CAMTA1: variants seen among roughly 807,000 people sequenced by gnomAD.
CAMTA1 encodes calmodulin binding transcription activator 1.
A neutral mutation model predicts 170.9 loss-of-function variants in CAMTA1; 27 were observed. The observed-to-expected ratio is 0.16, with a 90% CI of 0.12 to 0.22. CAMTA1 has a LOEUF of 0.22. Ranked by LOEUF, CAMTA1 falls within the 10% of genes least tolerant of loss-of-function variation. CAMTA1 has a pLI of 1.00. For synonymous variants in CAMTA1, 833 were observed against 891.5 expected, an observed-to-expected ratio of 0.93 and a Z score of 1.17; for missense variants, 1,619 against 2,217.2, an observed-to-expected ratio of 0.73 and a Z score of 5.42.
At position 7,681,103 on chromosome 1, in the gene CAMTA1, C is replaced by A; in HGVS notation, c.2914+3370C>A. The stretch of plus-strand genomic sequence containing the variant: ...AGGAGGAATCGCAGCCTTCTGGATC[C>A]CGGAGCTGCAGCGCCTCCCCCAGAC... On this transcript the variant is annotated intron_variant, in intron 11 of 22. Transcript: ENST00000303635. The surrounding 1 kb of genome is among the most constrained non-coding windows in gnomAD (Gnocchi z 4.6). Among the ~76,000 whole-genome samples, 1 of 152,130 alleles carries A rather than the reference C, an allele frequency of 6.6e-6. No homozygotes were observed. The highest frequency in any genetic ancestry group is 1.9e-4 in the East Asian group (1 of 5,158).
chr1:6,991,377 A>G, intron 3 of CAMTA1, among the ~76,000 whole-genome samples: 1 of 152,158 alleles, frequency 6.6e-6, no homozygotes, highest in East Asian at 1.9e-4. Flanking sequence ...GTTGCTCTCC[A>G]TACTCACCAA....
At chr1:7,231,726 C>T (rs1278182298) in intron 4 of CAMTA1, among the ~76,000 whole-genome samples, 4 of 152,198 alleles carry the variant, frequency 2.6e-5, no homozygotes, top group African/African-American at 4.8e-5. Flanking sequence ...GATGACAGCT[C>T]CCCTATGCGG....
chr1:7,674,519 C>G lies in CAMTA1; in HGVS notation c.2780-3080C>G, dbSNP rs2096093393. Among the ~76,000 whole-genome samples, 1 of 152,194 alleles carries G rather than the reference C, an allele frequency of 6.6e-6. No homozygotes were observed. Among genetic ancestry groups the G allele is most frequent in the African/African-American group, 2.4e-5 (1 of 41,450 alleles). On this transcript the variant is annotated intron_variant, in intron 10 of 22. Coordinates refer to ENST00000303635, the MANE Select transcript of CAMTA1 (RefSeq NM_015215.4). The surrounding 1 kb of genome is among the most constrained non-coding windows in gnomAD (Gnocchi z 4.1). The stretch of plus-strand genomic sequence containing the variant: ...GAAAGCCAGGCACAGTGGCTCATGC[C>G]TGTAATCCTAGCATGTTGGGAGGCC...
chr1:7,073,938 A>G (rs984898750), intron 3 of CAMTA1, among the ~76,000 whole-genome samples: 1 of 152,206 alleles, frequency 6.6e-6, no homozygotes, highest in Non-Finnish European at 1.5e-5. Context: ...CAAAGACAAC[A>G]CCTCTATCAC....
intron 5 of CAMTA1, among the ~76,000 whole-genome samples, chr1:7,402,413 T>G (rs553327079): frequency 6.6e-6 from 1 of 152,184 alleles, no homozygotes; most frequent in African/African-American, 2.4e-5. Context: ...TGCATGACAT[T>G]ACCCAGCACC....
chr1:7,385,803 T>G (rs2087891717), intron 5 of CAMTA1, among the ~76,000 whole-genome samples: 1 of 152,168 alleles, frequency 6.6e-6, no homozygotes, highest in Non-Finnish European at 1.5e-5. Flanking sequence ...GCCACTCTCT[T>G]CCACATTTGG....
intron 3 of CAMTA1, among the ~76,000 whole-genome samples, chr1:6,898,090 T>C (rs188680918): frequency 9.3e-4 from 142 of 152,376 alleles, no homozygotes; most frequent in Non-Finnish European, 1.0e-3. Flanking sequence ...CAGTTTCTTA[T>C]TTCTTGTCTT....
chr1:7,348,024 GA>G (rs758678155), intron 5 of CAMTA1, among the ~76,000 whole-genome samples: 13 of 152,144 alleles, frequency 8.5e-5, no homozygotes, highest in Non-Finnish European at 1.6e-4. Context: ...CCGTGTAGAG[GA>G]CTGGACCTCA....
intron 6 of CAMTA1, among the ~76,000 whole-genome samples, chr1:7,599,795 C>G (rs2095426594): frequency 6.6e-6 from 1 of 152,138 alleles, no homozygotes; most frequent in South Asian, 2.1e-4. Context: ...GATTTTGTAT[C>G]CTGAGACTTT....
At chr1:7,371,586 C>G (rs944888890) in intron 5 of CAMTA1, among the ~76,000 whole-genome samples, 8 of 152,306 alleles carry the variant, frequency 5.3e-5, no homozygotes, top group African/African-American at 1.4e-4. Context: ...ATCGCCCTGT[C>G]TGTATTTCAG....
At chr1:7,643,601 G>A (rs949086602) in intron 7 of CAMTA1, among the ~76,000 whole-genome samples, 3 of 152,214 alleles carry the variant, frequency 2.0e-5, no homozygotes, top group African/African-American at 7.2e-5. Flanking sequence ...AAACCAGTCC[G>A]GAGCCAGCCT....
intron 5 of CAMTA1, among the ~76,000 whole-genome samples, chr1:7,405,038 C>T (rs1039282101): frequency 2.0e-5 from 3 of 151,690 alleles, no homozygotes; most frequent in Admixed American, 6.6e-5. Context: ...AACTTGCTAC[C>T]GATTGTGCCT....
intron 5 of CAMTA1, among the ~76,000 whole-genome samples, chr1:7,319,650 T>G (rs1678065050): frequency 6.6e-6 from 1 of 152,180 alleles, no homozygotes; most frequent in East Asian, 1.9e-4. Flanking sequence ...ATACTGGGCA[T>G]CAGGATATAA....
rs568561009 is a variant in CAMTA1 at position 7,365,530 on chromosome 1, C to T, written c.439-102300C>T. On this transcript the variant is annotated intron_variant, in intron 5 of 22. Coordinates refer to ENST00000303635, the MANE Select transcript of CAMTA1 (RefSeq NM_015215.4). ...CCAAGCGTCTTCTTTCCCTAGGCCC[C>T]GCGCCTGGGTGTGGACTTCCCTGGG... 1.8e-4 allele frequency among the ~76,000 whole-genome samples: 28 copies of T among 152,242 alleles called. No homozygotes were observed. The South Asian group carries it at 4.4e-3, about 24-fold the overall frequency.
At chr1:7,271,708 A>G (rs899621807) in intron 5 of CAMTA1, among the ~76,000 whole-genome samples, 21 of 152,114 alleles carry the variant, frequency 1.4e-4, no homozygotes, top group Admixed American at 1.4e-3. Flanking sequence ...TAAAAAAGAG[A>G]TCAATAGATA....
At chr1:6,849,773 G>A (rs1183081674) in intron 3 of CAMTA1, among the ~76,000 whole-genome samples, 1 of 152,118 alleles carries the variant, frequency 6.6e-6, no homozygotes, top group East Asian at 1.9e-4. Context: ...GGTGGCACAT[G>A]CCTGTAATCC....
At position 7,367,128 on chromosome 1, in the gene CAMTA1, C is replaced by T. The variant is rs76849064; in HGVS notation, c.439-100702C>T. On this transcript the variant is annotated intron_variant, in intron 5 of 22. Transcript: ENST00000303635. ...GGTGACCTCCATTATGAGAAAGAGACGGGGAGTTGGCTGGGACCCAAGCCA... is the reference window on the plus strand; with the variant it reads ...GGTGACCTCCATTATGAGAAAGAGATGGGGAGTTGGCTGGGACCCAAGCCA... Among the ~76,000 whole-genome samples the T allele has an allele frequency of 9.6e-3, 1,460 of 152,242 alleles. 23 individuals carry two copies. The highest frequency in any genetic ancestry group is 0.032 in the African/African-American group (1,312 of 41,522).
At chr1:7,762,350 A>G (rs935559861) in intron 22 of CAMTA1, among the ~76,000 whole-genome samples, 1 of 152,350 alleles carries the variant, frequency 6.6e-6, no homozygotes, top group African/African-American at 2.4e-5. Context: ...TCCTTAACTA[A>G]TAACAAGGTG....
chr1:7,759,533 T>G (rs906774980), intron 22 of CAMTA1, among the ~76,000 whole-genome samples: 5 of 152,218 alleles, frequency 3.3e-5, no homozygotes, highest in Admixed American at 1.3e-4. Context: ...TGTTTTTCTG[T>G]TTTTTGTCTT....
Sources: gnomAD v4.1 joint callset for allele counts (sites outside exome capture counted in the v4.1 genomes callset) on GRCh38, gnomAD v4.1.1 for gene constraint, Gnocchi (gnomAD v3.1) non-coding constraint, MANE v1.5 for transcripts, NCBI Gene and HGNC (gene_info 2026-07-23, HGNC 2026-07-21) for gene names.